Variants in ERC1 observed in about 807,000 individuals in gnomAD.
The protein encoded by ERC1 is RAB6 interacting protein 2.
ERC1 carries 56 observed loss-of-function variants against 132.0 expected under a neutral mutation model. That is an observed-to-expected ratio of 0.42 (90% confidence interval 0.34 to 0.53). The LOEUF (loss-of-function observed/expected upper bound fraction) is 0.53, where lower values mean the gene tolerates loss of function less well. Ranked by LOEUF, ERC1 falls within the 20% of genes least tolerant of loss-of-function variation. ERC1 has a pLI of 0.03. For synonymous variants in ERC1, 478 were observed against 476.1 expected, an observed-to-expected ratio of 1.00 and a Z score of -0.05; for missense variants, 1,202 against 1,349.9, an observed-to-expected ratio of 0.89 and a Z score of 1.72.
intron 18 of ERC1, among the ~76,000 whole-genome samples, chr12:1,469,230 G>A (rs1315539202): frequency 6.6e-6 from 1 of 152,216 alleles, no homozygotes; most frequent in African/African-American, 2.4e-5. Flanking sequence ...CTTGAGCCCA[G>A]CTCTTGAGCA....
chr12:1,317,692 C>G (rs1276057756), intron 15 of ERC1, among the ~76,000 whole-genome samples: 1 of 152,180 alleles, frequency 6.6e-6, no homozygotes, highest in Non-Finnish European at 1.5e-5. Context: ...GCCCCACTTT[C>G]ACACAACCAG....
intron 15 of ERC1, among the ~76,000 whole-genome samples, chr12:1,350,075 A>G (rs913633267): frequency 7.2e-5 from 11 of 152,202 alleles, no homozygotes; most frequent in African/African-American, 2.7e-4. Flanking sequence ...TTAAAGGATG[A>G]GGGAAAAATT....
At chr12:1,204,227 C>T in intron 12 of ERC1, 1 of 331,070 alleles carries the variant, frequency 3.0e-6, no homozygotes, top group East Asian at 4.6e-5. Flanking sequence ...TTTTTTTTTC[C>T]TGCCCCAGGA....
At chr12:1,014,035 T>A (rs1207404279) in intron 1 of ERC1, among the ~76,000 whole-genome samples, 5 of 151,886 alleles carry the variant, frequency 3.3e-5, no homozygotes, top group African/African-American at 1.2e-4. Context: ...TTTTTTTTTT[T>A]AAACTTCCTG....
intron 8 of ERC1, among the ~76,000 whole-genome samples, chr12:1,171,082 A>T (rs1379768342): frequency 6.6e-6 from 1 of 152,172 alleles, no homozygotes; most frequent in Non-Finnish European, 1.5e-5. Flanking sequence ...TCATTGCAAT[A>T]ATTCACTCCA....
Position 1,360,854 on chromosome 12 carries a change from G to A in ERC1, c.2781-10979G>A, listed in dbSNP as rs571170492. Among the ~76,000 whole-genome samples the A allele has an allele frequency of 7.2e-5, 11 of 152,244 alleles. No individual in the cohort carries two copies. The East Asian group carries it at 1.9e-3, about 27-fold the overall frequency. ...TTCCAGCACTTTGGGAGGCCAAAGT[G>A]AGAGGATCACTTGAGCCCAGGAGAG... On this transcript the variant is annotated intron_variant, in intron 15 of 18. Transcript: ENST00000360905.
Position 1,317,746 on chromosome 12 carries a change from C to G in ERC1, c.2780+27734C>G, listed in dbSNP as rs140775011. Among the ~76,000 whole-genome samples the G allele has an allele frequency of 9.1e-4, 139 of 152,146 alleles. 1 individual carries two copies. The highest frequency in any genetic ancestry group is 3.4e-3 in the Middle Eastern group (1 of 294). On this transcript the variant is annotated intron_variant, in intron 15 of 18. Transcript: ENST00000360905. Reference sequence around the variant, plus strand: ...AAAGACAATACTGAACCTAAGTCATCAGATTATATGGTGATCTTTGGATCT... The same window carrying G: ...AAAGACAATACTGAACCTAAGTCATGAGATTATATGGTGATCTTTGGATCT...
At chr12:1,394,229 T>C (rs534503474) in intron 16 of ERC1, among the ~76,000 whole-genome samples, 126 of 149,534 alleles carry the variant, frequency 8.4e-4, no homozygotes, top group African/African-American at 3.0e-3. Flanking sequence ...TGAAACCCCA[T>C]CTCTACTAAA....
rs1212770669 is a variant in ERC1, at chr12:1,339,531, A to G, written c.2781-32302A>G. ...AGCAGGTGCCCGGGTGCCCGCCCCC[A>G]TGTAGGCATTCACTGCAGTGGCAGA... On this transcript the variant is annotated intron_variant, in intron 15 of 18. Transcript: ENST00000360905. Among the ~76,000 whole-genome samples the G allele has an allele frequency of 2.1e-5, 3 of 144,094 alleles. 1 individual carries two copies. The highest frequency in any genetic ancestry group is 2.6e-5 in the African/African-American group (1 of 37,986). The allele number at this position is 144,094 out of a possible 152,430, so 94.5% of individuals were successfully genotyped here. A position where few individuals can be genotyped will look rare whatever the true frequency, so the allele number is the denominator to read the frequency against.
chr12:1,149,790 C>CA (rs770657298), intron 8 of ERC1, among the ~76,000 whole-genome samples: 8 of 152,082 alleles, frequency 5.3e-5, no homozygotes, highest in Non-Finnish European at 7.3e-5. Context: ...GGCAAAAAGT[C>CA]ATGGAGATAA....
chr12:1,071,284 T>C (rs1374765701), intron 2 of ERC1, among the ~76,000 whole-genome samples: 1 of 152,252 alleles, frequency 6.6e-6, no homozygotes, highest in East Asian at 1.9e-4. Context: ...AGAGCAGTTT[T>C]CAGTGTTGCT....
chr12:1,103,015 T>C (rs952011959), intron 3 of ERC1, among the ~76,000 whole-genome samples: 1 of 152,198 alleles, frequency 6.6e-6, no homozygotes, highest in Non-Finnish European at 1.5e-5. Flanking sequence ...TTTTTCTTTT[T>C]CCTCTTTTCT....
In ERC1 at chr12:1,338,524, T is replaced by C. The variant is rs184517718; in HGVS notation, c.2781-33309T>C. ...TCTGCATTCCTATCCATATTCTGCC[T>C]TCTGTTTCTGTCATTTCTGCCATCT... is the stretch of plus-strand genomic sequence containing the variant. On this transcript the variant is annotated intron_variant, in intron 15 of 18. Coordinates refer to ENST00000360905, the MANE Select transcript of ERC1 (RefSeq NM_178040.4). Among the ~76,000 whole-genome samples the C allele has an allele frequency of 1.3e-3, 205 of 152,334 alleles. 4 individuals are homozygous for C. The highest frequency in any genetic ancestry group is 0.013 in the Admixed American group (194 of 15,310).
intron 12 of ERC1, among the ~76,000 whole-genome samples, chr12:1,200,835 G>A (rs1387428742): frequency 6.6e-6 from 1 of 152,168 alleles, no homozygotes; most frequent in Non-Finnish European, 1.5e-5. Flanking sequence ...TGGGATTTCA[G>A]GCGTGAGCCA....
chr12:1,303,504 C>T (rs1337031928), intron 15 of ERC1, among the ~76,000 whole-genome samples: 7 of 151,450 alleles, frequency 4.6e-5, no homozygotes, highest in African/African-American at 1.7e-4. Context: ...CTGGGTGTGG[C>T]GGCGTGCACC....
At chr12:1,356,213 AGTGTGTGTGTGTGT>A (rs71055145) in intron 15 of ERC1, among the ~76,000 whole-genome samples, 9 of 130,010 alleles carry the variant, frequency 6.9e-5, no homozygotes, top group South Asian at 2.5e-4. Context: ...AAAAAAAAAA[AGTGTGTGTGTGTGT>A]GTGTGTGTGT....
chr12:1,299,830 GTAAA>G (rs1566524705), intron 15 of ERC1, among the ~76,000 whole-genome samples: 1 of 152,038 alleles, frequency 6.6e-6, no homozygotes, highest in Non-Finnish European at 1.5e-5. Context: ...CTAAAGACAC[GTAAA>G]AAGATAAGAC....
intron 1 of ERC1, among the ~76,000 whole-genome samples, chr12:1,020,252 T>A (rs897819453): frequency 1.3e-5 from 2 of 151,990 alleles, no homozygotes; most frequent in Non-Finnish European, 2.9e-5. Flanking sequence ...ATATCAGGAG[T>A]TTGAGACCAG....
intron 2 of ERC1, among the ~76,000 whole-genome samples, chr12:1,041,937 C>T (rs1002500758): frequency 2.6e-5 from 4 of 152,096 alleles, no homozygotes; most frequent in African/African-American, 4.8e-5. Context: ...TTAGTAGAGA[C>T]GGGGTGTTGC....
Sources: allele counts gnomAD v4.1 joint callset (sites outside exome capture counted in the v4.1 genomes callset), GRCh38; gene constraint gnomAD v4.1.1; transcripts MANE v1.5; gene names NCBI Gene and HGNC (gene_info 2026-07-23, HGNC 2026-07-21).